The following PEAK1 variants were observed in gnomAD, a reference collection of about 807,000 sequenced individuals.
The protein encoded by PEAK1 is pseudopodium enriched atypical kinase 1.
Under a neutral mutation model 124.7 loss-of-function variants are expected in PEAK1, and 54 were observed. That is an observed-to-expected ratio of 0.43 (90% confidence interval 0.35 to 0.54). The LOEUF (loss-of-function observed/expected upper bound fraction) is 0.54, where lower values mean the gene tolerates loss of function less well. Ranked by LOEUF, PEAK1 falls within the 20% of genes least tolerant of loss-of-function variation. The pLI, the probability that PEAK1 is intolerant of heterozygous loss-of-function variation, is 0.01. For synonymous variants in PEAK1, 719 were observed against 760.0 expected (o/e 0.95, Z 0.89); for missense variants, 2,046 against 2,134.5 (o/e 0.96, Z 0.82).
rs950366995 is a variant in PEAK1, at chr15:77,227,848, T to A, written c.-115+24519A>T. Among the ~76,000 whole-genome samples, 7 of 151,368 alleles carry A rather than the reference T, an allele frequency of 4.6e-5. No homozygotes were observed. In the East Asian group the frequency reaches 1.4e-3, roughly 29 times the overall value. On this transcript the variant is annotated intron_variant, in intron 6 of 9. Coordinates refer to ENST00000682557, the MANE Select transcript of PEAK1 (RefSeq NM_001385026.1). ...CTCCAGGTCAACTAAAAAAAAAAAA[T>A]TAGCCTGGTATGGTGGTGCTCACCT...
intron 8 of PEAK1, among the ~76,000 whole-genome samples, chr15:77,136,891 C>T (rs1221762794): frequency 6.6e-6 from 1 of 152,212 alleles, no homozygotes; most frequent in African/African-American, 2.4e-5. Flanking sequence ...ACCCTCCCAT[C>T]AGAGGCCCGA....
At chr15:77,341,209 A>C (rs910023235) in intron 2 of PEAK1, among the ~76,000 whole-genome samples, 3 of 151,988 alleles carry the variant, frequency 2.0e-5, no homozygotes, top group Non-Finnish European at 4.4e-5. Context: ...CACCAACCAA[A>C]AAGCTCTGCT....
At chr15:77,288,217 T>C (rs949311032) in intron 2 of PEAK1, among the ~76,000 whole-genome samples, 12 of 152,190 alleles carry the variant, frequency 7.9e-5, no homozygotes, top group Non-Finnish European at 1.8e-4. Flanking sequence ...AAGTCCTCAA[T>C]GACCAGGCTC....
intron 5 of PEAK1, among the ~76,000 whole-genome samples, chr15:77,264,364 T>A (rs1487778400): frequency 6.6e-6 from 1 of 152,182 alleles, no homozygotes; most frequent in African/African-American, 2.4e-5. Flanking sequence ...CCCCATTGTC[T>A]CAGCCCAAAA....
intron 2 of PEAK1, chr15:77,346,802 T>C: frequency 1.1e-6 from 1 of 905,602 alleles, no homozygotes; most frequent in Non-Finnish European, 1.3e-6. Context: ...AAATGCCTAT[T>C]ATGGCAGACA....
intron 2 of PEAK1, among the ~76,000 whole-genome samples, chr15:77,326,749 G>C (rs552405448): frequency 6.6e-6 from 1 of 152,188 alleles, no homozygotes; most frequent in African/African-American, 2.4e-5. Flanking sequence ...GAATTAATCA[G>C]GGTCTATATT....
At chr15:77,412,631 T>A (rs1459193045) in intron 1 of PEAK1, among the ~76,000 whole-genome samples, 1 of 152,196 alleles carries the variant, frequency 6.6e-6, no homozygotes, top group African/African-American at 2.4e-5. Flanking sequence ...CATACATGCA[T>A]TTCCTAGTTC....
intron 2 of PEAK1, chr15:77,350,122 G>C: frequency 2.9e-5 from 29 of 985,370 alleles, no homozygotes; most frequent in Non-Finnish European, 3.5e-5. Flanking sequence ...TCTGTTCAAA[G>C]CCACTTCGAA....
rs144152325 is a variant in PEAK1 at position 77,192,135 on chromosome 15, T to C, written c.-114-10095A>G. On this transcript the variant is annotated intron_variant, in intron 6 of 9. Transcript: ENST00000682557. ...CAGATCTTTAATTACTATTTACTTA[T>C]GTAAACTTGACTCTAAACCTTGACT... Among the ~76,000 whole-genome samples the C allele has an allele frequency of 4.1e-3, 624 of 152,380 alleles. 6 individuals are homozygous for C. Among genetic ancestry groups the C allele is most frequent in the African/African-American group, 0.014 (592 of 41,588 alleles).
chr15:77,167,696 T>G (rs79370781), intron 7 of PEAK1, among the ~76,000 whole-genome samples: 8 of 152,332 alleles, frequency 5.3e-5, no homozygotes, highest in African/African-American at 1.9e-4. Context: ...AAAGACAACT[T>G]TGATAGGATT....
intron 5 of PEAK1, among the ~76,000 whole-genome samples, chr15:77,260,338 A>G (rs531622874): frequency 6.6e-6 from 1 of 152,336 alleles, no homozygotes; most frequent in African/African-American, 2.4e-5. Flanking sequence ...TCAAATATTT[A>G]AATTCATAAA....
At chr15:77,295,495 A>G (rs117880038) in intron 2 of PEAK1, among the ~76,000 whole-genome samples, 107 of 152,296 alleles carry the variant, frequency 7.0e-4, no homozygotes, top group Admixed American at 1.6e-3. Flanking sequence ...ATATTCAACT[A>G]TCTCAACCTT....
chr15:77,318,549 C>G (rs1341045796), intron 2 of PEAK1, among the ~76,000 whole-genome samples: 1 of 151,868 alleles, frequency 6.6e-6, no homozygotes, highest in Non-Finnish European at 1.5e-5. Flanking sequence ...CTCAGGCAGG[C>G]AGTAAGCTTC....
intron 9 of PEAK1, among the ~76,000 whole-genome samples, chr15:77,116,025 A>C (rs1389846776): frequency 6.6e-6 from 1 of 152,188 alleles, no homozygotes; most frequent in Non-Finnish European, 1.5e-5. Context: ...GCCTCATTTA[A>C]TACCCACTAT....
intron 5 of PEAK1, among the ~76,000 whole-genome samples, chr15:77,258,929 G>A: frequency 6.6e-6 from 1 of 152,090 alleles, no homozygotes; most frequent in East Asian, 1.9e-4. Flanking sequence ...AGAGTTTTTA[G>A]CATGAAGGGT....
chr15:77,341,653 TC>T (rs2066544004), intron 2 of PEAK1, among the ~76,000 whole-genome samples: 1 of 152,176 alleles, frequency 6.6e-6, no homozygotes, highest in African/African-American at 2.4e-5. Flanking sequence ...GTCCCAACCT[TC>T]TAATCACATG....
At chr15:77,392,742 C>T (rs1163847564) in intron 1 of PEAK1, among the ~76,000 whole-genome samples, 2 of 152,152 alleles carry the variant, frequency 1.3e-5, no homozygotes. Flanking sequence ...GTCAAATAGA[C>T]GCATCCACAC....
chr15:77,226,044 GATATATATATAT>G (rs1157824212), intron 6 of PEAK1, among the ~76,000 whole-genome samples: 538 of 44,980 alleles, frequency 0.012, 7 homozygotes, highest in African/African-American at 0.027. Flanking sequence ...AAAATAAAGG[GATATATATATAT>G]ATATATATAT....
chr15:77,298,517 C>T (rs2063629392), intron 2 of PEAK1, among the ~76,000 whole-genome samples: 1 of 151,954 alleles, frequency 6.6e-6, no homozygotes, highest in South Asian at 2.1e-4. Context: ...CACGCCCGGC[C>T]GGTATCCTTA....
Sources: allele counts gnomAD v4.1 joint callset (sites outside exome capture counted in the v4.1 genomes callset), GRCh38; gene constraint gnomAD v4.1.1; transcripts MANE v1.5; gene names NCBI Gene and HGNC (gene_info 2026-07-23, HGNC 2026-07-21).